The following QTMAN variants were observed in gnomAD, a reference collection of about 807,000 sequenced individuals.
QTMAN encodes the protein tRNA-queuosine alpha-mannosyltransferase.
the QTMAN span, among the ~76,000 whole-genome samples, chr2:144,124,896 G>A: frequency 3.2e-4 from 48 of 152,126 alleles, no homozygotes; most frequent in African/African-American, 1.0e-3. Context: ...ACTAAAAAAC[G>A]GTCAATGTTC....
the QTMAN span, among the ~76,000 whole-genome samples, chr2:144,316,243 A>C: frequency 1.3e-5 from 2 of 152,188 alleles, no homozygotes; most frequent in East Asian, 3.9e-4. Flanking sequence ...TCTCAAAAAA[A>C]AAAAACGCTG....
chr2:144,033,814 AC>A, the QTMAN span, among the ~76,000 whole-genome samples: 1 of 151,754 alleles, frequency 6.6e-6, no homozygotes, highest in Non-Finnish European at 1.5e-5. Context: ...AACAAAAGAC[AC>A]TCCTTTCAAC....
the QTMAN span, among the ~76,000 whole-genome samples, chr2:144,176,851 T>C: frequency 2.0e-5 from 3 of 152,168 alleles, no homozygotes; most frequent in Non-Finnish European, 4.4e-5. Flanking sequence ...TATAAAGAAA[T>C]ACCCAAGACT....
At chr2:144,178,875 C>A in the QTMAN span, 24 of 396,366 alleles carry the variant, frequency 6.1e-5, no homozygotes, top group African/African-American at 4.8e-4. Context: ...AGGCTTCTTG[C>A]ATTTTCAATG....
At chr2:144,092,397 G>C in the QTMAN span, among the ~76,000 whole-genome samples, 2 of 151,912 alleles carry the variant, frequency 1.3e-5, no homozygotes, top group African/African-American at 4.8e-5. Flanking sequence ...GGATGGTCTT[G>C]ATCTCCTGAC....
chr2:144,109,213 T>C, the QTMAN span, among the ~76,000 whole-genome samples: 118 of 152,220 alleles, frequency 7.8e-4, no homozygotes, highest in Middle Eastern at 0.014. Flanking sequence ...ACCAATGTAA[T>C]AGAACAGAGC....
At chr2:144,105,994 C>A in the QTMAN span, among the ~76,000 whole-genome samples, 1 of 152,110 alleles carries the variant, frequency 6.6e-6, no homozygotes, top group African/African-American at 2.4e-5. Flanking sequence ...AATTTCATAT[C>A]CAGCCAAACT....
At chr2:144,098,586 G>A in the QTMAN span, among the ~76,000 whole-genome samples, 1 of 151,844 alleles carries the variant, frequency 6.6e-6, no homozygotes, top group Non-Finnish European at 1.5e-5. Flanking sequence ...GTGGCGGCAT[G>A]CACCTGTAGT....
chr2:144,297,858 G>T, the QTMAN span, among the ~76,000 whole-genome samples: 1 of 151,310 alleles, frequency 6.6e-6, no homozygotes, highest in African/African-American at 2.4e-5. Context: ...GGGATTACAG[G>T]TGTGAGCCAC....
chr2:144,119,876 C>CAAAAAAA, the QTMAN span, among the ~76,000 whole-genome samples: 16 of 151,260 alleles, frequency 1.1e-4, no homozygotes, highest in African/African-American at 3.4e-4. Context: ...CAAAACAAAA[C>CAAAAAAA]AAAAAACAAA....
At chr2:144,028,058 T>G in the QTMAN span, among the ~76,000 whole-genome samples, 3 of 152,188 alleles carry the variant, frequency 2.0e-5, no homozygotes, top group African/African-American at 7.2e-5. Flanking sequence ...ACAGAGCTTC[T>G]TATAAATAGC....
chr2:143,968,168 A>G, the QTMAN span, among the ~76,000 whole-genome samples: 8 of 152,182 alleles, frequency 5.3e-5, no homozygotes, highest in Non-Finnish European at 1.2e-4. Context: ...TGAAGACTCA[A>G]TTCACATTTG....
the QTMAN span, among the ~76,000 whole-genome samples, chr2:143,981,487 G>A: frequency 2.6e-5 from 4 of 152,114 alleles, no homozygotes; most frequent in African/African-American, 7.2e-5. Flanking sequence ...TCAATCAGAT[G>A]GGAAAGAATC....
the QTMAN span, among the ~76,000 whole-genome samples, chr2:144,081,185 C>A: frequency 6.6e-6 from 1 of 152,112 alleles, no homozygotes; most frequent in East Asian, 1.9e-4. Flanking sequence ...CTTCCCATTT[C>A]TTCCATCTTT....
the QTMAN span, among the ~76,000 whole-genome samples, chr2:144,086,284 G>C: frequency 1.3e-5 from 2 of 152,112 alleles, no homozygotes; most frequent in African/African-American, 4.8e-5. Context: ...GCTGGAATTG[G>C]ATGAGAGTCT....
At chr2:144,019,581 G>C in the QTMAN span, among the ~76,000 whole-genome samples, 1 of 152,158 alleles carries the variant, frequency 6.6e-6, no homozygotes, top group African/African-American at 2.4e-5. Context: ...AGGTACACTT[G>C]TGGAGCGAAA....
the QTMAN span, chr2:143,946,042 GAATTT>G: frequency 6.6e-6 from 1 of 152,122 alleles, no homozygotes; most frequent in African/African-American, 2.4e-5. Flanking sequence ...ACTTTATTAA[GAATTT>G]ATTTTACCAT....
At chr2:144,257,967 TATCTA>T in the QTMAN span, among the ~76,000 whole-genome samples, 1 of 151,902 alleles carries the variant, frequency 6.6e-6, no homozygotes, top group Non-Finnish European at 1.5e-5. Flanking sequence ...AATTATGAAA[TATCTA>T]AGAAAAGATA....
At chr2:144,203,483 G>A in the QTMAN span, among the ~76,000 whole-genome samples, 10 of 152,182 alleles carry the variant, frequency 6.6e-5, no homozygotes, top group Non-Finnish European at 1.2e-4. Flanking sequence ...AGACAGGACA[G>A]CAAGACTGGT....
Sources: allele counts gnomAD v4.1 joint callset (sites outside exome capture counted in the v4.1 genomes callset), GRCh38; gene constraint gnomAD v4.1.1; transcripts MANE v1.5; gene names NCBI Gene and HGNC (gene_info 2026-07-23, HGNC 2026-07-21).